CTNNA2: variants seen among roughly 807,000 people sequenced by gnomAD.
The protein encoded by CTNNA2 is catenin alpha-2.
In CTNNA2, 42 loss-of-function variants were observed where a neutral mutation model predicts 101.0. That is an observed-to-expected ratio of 0.42 (90% confidence interval 0.32 to 0.54). CTNNA2 has a LOEUF of 0.54. Ranked by LOEUF, CTNNA2 falls within the 20% of genes least tolerant of loss-of-function variation. CTNNA2 has a pLI of 0.14. For missense variants in CTNNA2, 871 were observed against 1,223.1 expected (o/e 0.71, Z 4.29); for synonymous variants, 450 against 456.4 (o/e 0.99, Z 0.18).
intron 3 of CTNNA2, among the ~76,000 whole-genome samples, chr2:79,788,990 C>T (rs180831403): frequency 1.3e-5 from 2 of 151,878 alleles, no homozygotes; most frequent in Non-Finnish European, 2.9e-5. Context: ...AATGATACAC[C>T]ATGTCAGCTG....
At chr2:80,643,748 T>C (rs995500221) in intron 18 of CTNNA2, among the ~76,000 whole-genome samples, 1 of 152,108 alleles carries the variant, frequency 6.6e-6, no homozygotes, top group Non-Finnish European at 1.5e-5. Flanking sequence ...TTCAGAATAA[T>C]GGAGCAAATC....
At chr2:79,785,766 A>C (rs928301140) in intron 3 of CTNNA2, among the ~76,000 whole-genome samples, 28 of 152,172 alleles carry the variant, frequency 1.8e-4, no homozygotes, top group African/African-American at 6.5e-4. Context: ...ATAAATAAAA[A>C]CAACTGGGAA....
At chr2:79,518,954 C>T (rs995255381) in intron 1 of CTNNA2, among the ~76,000 whole-genome samples, 4 of 151,964 alleles carry the variant, frequency 2.6e-5, no homozygotes, top group East Asian at 1.9e-4. Context: ...GAAGCCCAGG[C>T]GCAGTGTCTC....
intron 3 of CTNNA2, chr2:79,340,318 A>G (rs964993943): frequency 5.9e-5 from 9 of 152,202 alleles, no homozygotes; most frequent in Non-Finnish European, 2.9e-5. Context: ...TGTGGTCCCC[A>G]TCAGTAAAGG....
At chr2:79,810,788 T>C (rs1574028184) in intron 3 of CTNNA2, among the ~76,000 whole-genome samples, 1 of 152,088 alleles carries the variant, frequency 6.6e-6, no homozygotes, top group Non-Finnish European at 1.5e-5. Context: ...TTTGGTTTTT[T>C]GTCCTTCAGA....
intron 2 of CTNNA2, among the ~76,000 whole-genome samples, chr2:79,214,217 A>G (rs1043441888): frequency 3.9e-5 from 6 of 152,228 alleles, no homozygotes; most frequent in African/African-American, 1.4e-4. Context: ...GAAGCTTTGC[A>G]GCAGTATAGC....
At chr2:79,613,685 A>G (rs767453196) in intron 1 of CTNNA2, among the ~76,000 whole-genome samples, 8 of 152,106 alleles carry the variant, frequency 5.3e-5, no homozygotes, top group Non-Finnish European at 1.0e-4. Context: ...AACAATTTGT[A>G]ATTTTTAAAA....
intron 3 of CTNNA2, among the ~76,000 whole-genome samples, chr2:79,318,360 AAAG>A (rs1313658904): frequency 1.3e-5 from 2 of 152,208 alleles, no homozygotes; most frequent in African/African-American, 4.8e-5. Context: ...GGAAAAGAAA[AAAG>A]AAGAAAAAAA....
intron 7 of CTNNA2, among the ~76,000 whole-genome samples, chr2:80,130,942 T>A (rs1702380489): frequency 6.6e-6 from 1 of 150,694 alleles, no homozygotes; most frequent in Non-Finnish European, 1.5e-5. Flanking sequence ...AATCTATATA[T>A]GAGAGAAAAT....
chr2:80,184,645 A>C (rs1226771072), intron 7 of CTNNA2, among the ~76,000 whole-genome samples: 1 of 152,166 alleles, frequency 6.6e-6, no homozygotes, highest in Non-Finnish European at 1.5e-5. Flanking sequence ...TTTAGTGTGC[A>C]ATGAACTCCC....
chr2:80,126,614 C>T (rs866665671), intron 7 of CTNNA2, among the ~76,000 whole-genome samples: 3 of 81,008 alleles, frequency 3.7e-5, no homozygotes, highest in East Asian at 5.4e-4. Context: ...CTCCCTCCCT[C>T]CCTCCCTCCC....
At chr2:80,309,559 T>C (rs1362159907) in intron 7 of CTNNA2, among the ~76,000 whole-genome samples, 1 of 152,184 alleles carries the variant, frequency 6.6e-6, no homozygotes, top group Admixed American at 6.5e-5. Flanking sequence ...TATAACCCTA[T>C]ACAAGTCACT....
At position 79,291,700 on chromosome 2, in the gene CTNNA2, G is replaced by T. The variant is rs78607918; in HGVS notation, c.-405-21009G>T. Among the ~76,000 whole-genome samples, 506 of 152,296 alleles carry T rather than the reference G, an allele frequency of 3.3e-3. 8 individuals carry two copies. Among genetic ancestry groups the T allele is most frequent in the African/African-American group, 0.011 (474 of 41,562 alleles). Reference sequence around the variant, plus strand: ...TCCTAAGGAAGTGAATACCCAAAAAGATTTACTAATTTATCAAGTGCTTTG... The same window carrying T: ...TCCTAAGGAAGTGAATACCCAAAAATATTTACTAATTTATCAAGTGCTTTG... On this transcript the variant is annotated intron_variant, in intron 2 of 21. Transcript: ENST00000466387.
intron 8 of CTNNA2, among the ~76,000 whole-genome samples, chr2:80,401,881 C>G (rs1030847349): frequency 3.3e-5 from 5 of 152,142 alleles, no homozygotes; most frequent in African/African-American, 1.2e-4. Context: ...ATGATTTTCC[C>G]TCACTGACTA....
At chr2:80,533,272 C>T (rs561889423) in intron 9 of CTNNA2, among the ~76,000 whole-genome samples, 7 of 152,220 alleles carry the variant, frequency 4.6e-5, no homozygotes, top group South Asian at 4.1e-4. Context: ...TTCAGCAACA[C>T]GTGGATTTTG....
At chr2:80,306,442 T>TTC (rs1553488151) in intron 7 of CTNNA2, among the ~76,000 whole-genome samples, 4 of 144,042 alleles carry the variant, frequency 2.8e-5, no homozygotes, top group African/African-American at 1.1e-4. Context: ...CTTTCTTTCT[T>TTC]TCTTTCTTTC....
At chr2:80,550,740 C>G (rs1279717297) in intron 11 of CTNNA2, among the ~76,000 whole-genome samples, 1 of 152,138 alleles carries the variant, frequency 6.6e-6, no homozygotes, top group Admixed American at 6.6e-5. Flanking sequence ...AATTCTAGTT[C>G]TCTTGCTATT....
intron 7 of CTNNA2, among the ~76,000 whole-genome samples, chr2:80,093,925 G>A (rs1173705488): frequency 8.6e-5 from 13 of 151,748 alleles, no homozygotes; most frequent in African/African-American, 2.9e-4. Flanking sequence ...AGATGAGTAG[G>A]TTGCAAAAAT....
chr2:79,786,925 G>A (rs1674890371), intron 3 of CTNNA2, among the ~76,000 whole-genome samples: 1 of 151,822 alleles, frequency 6.6e-6, no homozygotes, highest in South Asian at 2.1e-4. Context: ...GCCCATTTTT[G>A]TCTTCAGGAC....
Sources: gnomAD v4.1 joint callset for allele counts (sites outside exome capture counted in the v4.1 genomes callset) on GRCh38, gnomAD v4.1.1 for gene constraint, MANE v1.5 for transcripts, NCBI Gene and HGNC (gene_info 2026-07-23, HGNC 2026-07-21) for gene names.